Variants in CKAP5 observed in about 807,000 individuals in gnomAD.
The protein encoded by CKAP5 is cytoskeleton-associated protein 5.
A neutral mutation model predicts 232.8 loss-of-function variants in CKAP5; 27 were observed. That is an observed-to-expected ratio of 0.12 (90% CI 0.09 to 0.16). The LOEUF is 0.16. Ranked by LOEUF, CKAP5 falls within the 10% of genes least tolerant of loss-of-function variation. The probability of loss-of-function intolerance (pLI) is 1.00; values close to 1 mark genes in which losing one functional copy is unlikely to be tolerated. For synonymous variants in CKAP5, 785 were observed against 841.1 expected, an observed-to-expected ratio of 0.93 and a Z score of 1.16; for missense variants, 1,838 against 2,424.7, an observed-to-expected ratio of 0.76 and a Z score of 5.08.
chr11:46,827,298 C>T (rs1326324528), intron 1 of CKAP5, among the ~76,000 whole-genome samples: 5 of 152,088 alleles, frequency 3.3e-5, no homozygotes, highest in Non-Finnish European at 7.4e-5. Flanking sequence ...CAAATGGCAA[C>T]TCAAAGGCCT....
chr11:46,750,848 T>C (rs141461287), intron 40 of CKAP5, among the ~76,000 whole-genome samples: 37 of 152,360 alleles, frequency 2.4e-4, no homozygotes, highest in African/African-American at 8.4e-4. Context: ...TGACATATTC[T>C]TTCCATGTTA....
intron 13 of CKAP5, among the ~76,000 whole-genome samples, chr11:46,790,824 T>A (rs895192483): frequency 4.6e-5 from 7 of 151,920 alleles, no homozygotes; most frequent in African/African-American, 7.2e-5. Context: ...TTAAAAAAAA[T>A]TTTTTTTGTA....
chr11:46,753,154 T>TC, intron 37 of CKAP5, 156 bp downstream of exon 37: 1 of 540,710 alleles, frequency 1.8e-6, no homozygotes, highest in Non-Finnish European at 3.2e-6. Flanking sequence ...TTAACTGATA[T>TC]AGTTATAACT....
intron 1 of CKAP5, among the ~76,000 whole-genome samples, chr11:46,834,858 T>A (rs1474985375): frequency 1.3e-5 from 2 of 152,072 alleles, no homozygotes; most frequent in Non-Finnish European, 2.9e-5. Context: ...TGGGCTGGAA[T>A]ACAGTGGCAC....
chr11:46,828,403 A>G lies in CKAP5; in HGVS notation c.-37-7135T>C, dbSNP rs184909888. Among the ~76,000 whole-genome samples, 422 of 152,342 alleles carry G rather than the reference A, an allele frequency of 2.8e-3. 2 individuals are homozygous for G. Among genetic ancestry groups the G allele is most frequent in the African/African-American group, 9.6e-3 (400 of 41,576 alleles). ...TCTGAATTAGGTAATTAAGACCTTCATTCATTATATTCCCATCAAGCTTAA... is the reference window on the plus strand; with the variant it reads ...TCTGAATTAGGTAATTAAGACCTTCGTTCATTATATTCCCATCAAGCTTAA... On this transcript the variant is annotated intron_variant, in intron 1 of 43. Coordinates refer to ENST00000529230, the MANE Select transcript of CKAP5 (RefSeq NM_001008938.4).
chr11:46,808,889 T>C (rs939743326), intron 7 of CKAP5, among the ~76,000 whole-genome samples: 1 of 152,206 alleles, frequency 6.6e-6, no homozygotes, highest in African/African-American at 2.4e-5. Flanking sequence ...GATAAGACTG[T>C]GTTTCTCAAC....
In CKAP5 at chr11:46,817,061, G is replaced by A. The variant is rs1037775981; in HGVS notation, c.252-657C>T. Reference sequence around the variant, plus strand: ...GTGGAGGTTGTGGTGAGCCAAGATCGCGCCATTGCACTCCAGCCAGGGCAA... The same window carrying A: ...GTGGAGGTTGTGGTGAGCCAAGATCACGCCATTGCACTCCAGCCAGGGCAA... On this transcript the variant is annotated intron_variant, in intron 3 of 43. Transcript: ENST00000529230. Among the ~76,000 whole-genome samples the A allele has an allele frequency of 6.0e-5, 9 of 150,910 alleles. No homozygotes were observed. In the South Asian group the frequency reaches 6.3e-4, roughly 11 times the overall value.
chr11:46,773,518 G>A (rs1428311705), intron 24 of CKAP5, among the ~76,000 whole-genome samples: 1 of 151,544 alleles, frequency 6.6e-6, no homozygotes, highest in Non-Finnish European at 1.5e-5. Flanking sequence ...CAAAGTGCTG[G>A]GATTACAGGC....
intron 7 of CKAP5, 129 bp downstream of exon 7, chr11:46,809,271 A>C (rs558980929): frequency 3.7e-4 from 229 of 626,466 alleles, no homozygotes; most frequent in Middle Eastern, 3.4e-3. Context: ...AGAAGCAACT[A>C]ACTCACTCTA....
chr11:46,772,297 A>G (rs1252111085), intron 24 of CKAP5, among the ~76,000 whole-genome samples: 2 of 151,960 alleles, frequency 1.3e-5, no homozygotes, highest in African/African-American at 4.8e-5. Flanking sequence ...GCAGAGTAAA[A>G]GTTTTTAATT....
chr11:46,760,328 G>A (rs1189774526), intron 33 of CKAP5: 6 of 550,282 alleles, frequency 1.1e-5, no homozygotes, highest in Admixed American at 7.5e-5. Context: ...CCCTGCTAAT[G>A]AGAAATTAGC....
intron 5 of CKAP5, 117 bp from the exon 6 acceptor site, chr11:46,809,991 A>T: frequency 1.0e-6 from 1 of 998,826 alleles, no homozygotes; most frequent in Non-Finnish European, 1.4e-6. Context: ...TTTTTATTGG[A>T]GACAGAGTCT....
At chr11:46,750,020 A>T (rs1757625350) in intron 42 of CKAP5, among the ~76,000 whole-genome samples, 1 of 152,178 alleles carries the variant, frequency 6.6e-6, no homozygotes, top group African/African-American at 2.4e-5. Flanking sequence ...AAAACAAGAC[A>T]GCATGGAGAA....
intron 40 of CKAP5, 72 bp from the exon 41 acceptor site, chr11:46,750,683 G>A: frequency 8.4e-7 from 1 of 1,192,432 alleles, no homozygotes; most frequent in Non-Finnish European, 1.2e-6. Context: ...GGTTGGATAT[G>A]AACAGAAAAT....
In CKAP5 at chr11:46,816,252, T is replaced by C. The variant is rs771781888; in HGVS notation, c.404A>G (p.Asn135Ser). The part of the protein sequence containing the change: ...VQEELLKGLD[N>S]KNPKIIVACI... ...GGCCACTATGATCTTGGGATTCTTA[T>C]TGTCCAAGCCTTTCAGGAGCTCTTC... The change falls in exon 4 of 44, where the codon AAT becomes AGT. Residue 135 changes from asparagine (N) to serine (S), a missense_variant. Asn to Ser is a conservative substitution (Grantham distance 46). Around this residue, in one of 6 missense-constraint regions of CKAP5, gnomAD observed 285 missense variants for 300.0 expected, o/e 0.95. Coordinates refer to ENST00000529230, the MANE Select transcript of CKAP5 (RefSeq NM_001008938.4). The C allele has an allele frequency of 5.0e-6, 8 of 1,614,080 alleles. No homozygotes were observed. In the African/African-American group the frequency reaches 6.7e-5, roughly 13 times the overall value.
chr11:46,797,122 A>AGT (rs1938895354), intron 11 of CKAP5, among the ~76,000 whole-genome samples, 182 bp from the exon 12 acceptor site: 1 of 152,204 alleles, frequency 6.6e-6, no homozygotes, highest in African/African-American at 2.4e-5. Flanking sequence ...GGCCAGGCAC[A>AGT]GTGGTTCATG....
At chr11:46,838,669 G>A (rs948731579) in intron 1 of CKAP5, among the ~76,000 whole-genome samples, 46 of 139,762 alleles carry the variant, frequency 3.3e-4, no homozygotes, top group Non-Finnish European at 7.6e-5. Flanking sequence ...GGTGGCACTC[G>A]CCTGTAGTCC....
intron 28 of CKAP5, 94 bp downstream of exon 28, chr11:46,765,037 A>C (rs1166350751): frequency 8.8e-7 from 1 of 1,140,670 alleles, no homozygotes; most frequent in Non-Finnish European, 1.2e-6. Flanking sequence ...CTTAATTCCT[A>C]GATATTAAAC....
Position 46,797,996 on chromosome 11 carries a change from GCTT to G in CKAP5, c.1174-30_1174-28del, listed in dbSNP as rs1252349870. 2.5e-6 allele frequency: 4 copies of G among 1,607,404 alleles called. No individual in the cohort carries two copies. In the African/African-American group the frequency reaches 5.4e-5, roughly 22 times the overall value. ...TTTAGAAAGAAAATGTGGTTAATGA[GCTT>G]TTTTCAATTGTAAAGAACAATCAAA... On this transcript the variant is annotated intron_variant, in intron 10 of 43. Coordinates refer to ENST00000529230, the MANE Select transcript of CKAP5 (RefSeq NM_001008938.4).
Sources: gnomAD v4.1 joint callset for allele counts (sites outside exome capture counted in the v4.1 genomes callset) on GRCh38, gnomAD v4.1.1 for gene constraint, gnomAD v4.1.1 regional missense constraint, MANE v1.5 for transcripts, NCBI Gene and HGNC (gene_info 2026-07-23, HGNC 2026-07-21) for gene names.